The following TTC28 variants were observed in gnomAD, a reference collection of about 807,000 sequenced individuals.
TTC28 encodes the protein tetratricopeptide repeat protein 28.
Under a neutral mutation model 198.0 loss-of-function variants are expected in TTC28, and 61 were observed. The ratio of observed to expected loss-of-function variants is 0.31; its 90% CI spans 0.25 to 0.38. The LOEUF (loss-of-function observed/expected upper bound fraction) is 0.38, where lower values mean the gene tolerates loss of function less well. Ranked by LOEUF, TTC28 falls within the 10% of genes least tolerant of loss-of-function variation. The pLI is 1.00. For missense variants in TTC28, 2,678 were observed against 3,164.0 expected (o/e 0.85, Z 3.69); for synonymous variants, 1,171 against 1,297.8 (o/e 0.90, Z 2.10).
At chr22:28,527,678 C>T (rs2049033230) in intron 2 of TTC28, among the ~76,000 whole-genome samples, 1 of 152,166 alleles carries the variant, frequency 6.6e-6, no homozygotes, top group Non-Finnish European at 1.5e-5. Context: ...CTATGTTGCC[C>T]AGGCTGGAGT....
At chr22:28,367,943 G>T (rs1456393338) in intron 2 of TTC28, among the ~76,000 whole-genome samples, 1 of 151,910 alleles carries the variant, frequency 6.6e-6, no homozygotes. Flanking sequence ...TTAAAGAAAG[G>T]CCCGAGACTC....
rs965442391 is a variant in TTC28 at position 28,133,432 on chromosome 22, G to A, written c.1442-25029C>T. 9.8e-5 allele frequency among the ~76,000 whole-genome samples: 15 copies of A among 152,324 alleles called. No homozygotes were observed. The East Asian group carries it at 2.3e-3, about 24-fold the overall frequency. ...TGAGGCATCACCTCACTCAGGAAGT[G>A]CAAGGGGTCAGGGAATTCCCTTTCC... On this transcript the variant is annotated intron_variant, in intron 6 of 22. Transcript: ENST00000397906.
intron 5 of TTC28, among the ~76,000 whole-genome samples, chr22:28,207,276 A>G (rs1926505887): frequency 1.3e-5 from 2 of 150,906 alleles, no homozygotes; most frequent in Admixed American, 6.6e-5. Flanking sequence ...ATAGTTCTTT[A>G]TAGCTGTGAT....
At chr22:28,071,413 T>C (rs898023316) in intron 12 of TTC28, among the ~76,000 whole-genome samples, 3 of 150,872 alleles carry the variant, frequency 2.0e-5, no homozygotes, top group Non-Finnish European at 4.4e-5. Context: ...TAAAAAATGA[T>C]GAGTTCATGT....
chr22:27,985,229 G>C lies in TTC28; in HGVS notation c.5815+20C>G, dbSNP rs1400745959. 6.5e-7 allele frequency: 1 copy of C among 1,538,272 alleles called. No individual in the cohort carries two copies. The highest frequency in any genetic ancestry group is 8.8e-7 in the Non-Finnish European group (1 of 1,135,328). ...CATGGCAGGCCCTGGTGGAGAACTG[G>C]TCTGAGGGCAGGCTCTTACCAAACA... On this transcript the variant is annotated intron_variant, in intron 22 of 22. Coordinates refer to ENST00000397906, the MANE Select transcript of TTC28 (RefSeq NM_001145418.2).
chr22:28,555,658 A>G (rs556283515), intron 2 of TTC28, among the ~76,000 whole-genome samples: 28 of 152,302 alleles, frequency 1.8e-4, no homozygotes, highest in African/African-American at 6.3e-4. Context: ...ACACAAAGGC[A>G]TAAGAATGAT....
chr22:28,246,887 T>C (rs762467194), intron 5 of TTC28, among the ~76,000 whole-genome samples: 71 of 152,142 alleles, frequency 4.7e-4, no homozygotes, highest in Non-Finnish European at 8.7e-4. Context: ...TACACTTCAA[T>C]GAAAATGGCT....
intron 6 of TTC28, among the ~76,000 whole-genome samples, chr22:28,109,419 C>T (rs374218325): frequency 2.6e-5 from 4 of 152,248 alleles, no homozygotes; most frequent in Admixed American, 2.6e-4. Flanking sequence ...AAGCTCTTGA[C>T]GGGGTTATAC....
At chr22:28,198,731 C>A (rs745455667) in intron 5 of TTC28, among the ~76,000 whole-genome samples, 12 of 152,088 alleles carry the variant, frequency 7.9e-5, no homozygotes, top group Non-Finnish European at 1.3e-4. Context: ...GAGACTCAAG[C>A]TGCTAGGAGC....
intron 10 of TTC28, among the ~76,000 whole-genome samples, chr22:28,098,512 G>A (rs947388424): frequency 6.6e-6 from 1 of 151,872 alleles, no homozygotes; most frequent in African/African-American, 2.4e-5. Context: ...AGGAGTTCGA[G>A]ACCAGGCTGG....
chr22:28,443,732 A>G (rs1290284558), intron 2 of TTC28, among the ~76,000 whole-genome samples: 1 of 152,186 alleles, frequency 6.6e-6, no homozygotes, highest in African/African-American at 2.4e-5. Flanking sequence ...TCTGGGTCTT[A>G]GTGCCACGAC....
intron 5 of TTC28, among the ~76,000 whole-genome samples, chr22:28,171,661 C>T (rs1412541902): frequency 6.8e-6 from 1 of 146,182 alleles, no homozygotes; most frequent in Non-Finnish European, 1.5e-5. Context: ...TTTTAAGTTG[C>T]TTTTATCATT....
chr22:28,385,770 T>C (rs134529), intron 2 of TTC28, among the ~76,000 whole-genome samples: 64,932 of 151,900 alleles, frequency 0.43, 14,863 homozygotes, highest in African/African-American at 0.6. Flanking sequence ...AGCTCCATCC[T>C]AGCTTTCCAA....
chr22:28,325,922 T>C (rs1001514923), intron 2 of TTC28, among the ~76,000 whole-genome samples: 2 of 152,148 alleles, frequency 1.3e-5, no homozygotes, highest in Non-Finnish European at 2.9e-5. Flanking sequence ...GAAAATGGTT[T>C]GGCAGTTTCT....
intron 1 of TTC28, among the ~76,000 whole-genome samples, chr22:28,635,462 C>T (rs1168652521): frequency 6.6e-6 from 1 of 152,130 alleles, no homozygotes; most frequent in Non-Finnish European, 1.5e-5. Context: ...AATATTTTGA[C>T]TGAATTTCAT....
chr22:28,057,015 A>T (rs1480784740), intron 12 of TTC28, among the ~76,000 whole-genome samples: 2 of 152,226 alleles, frequency 1.3e-5, no homozygotes, highest in Non-Finnish European at 2.9e-5. Flanking sequence ...TTGTATAACC[A>T]TAGCACAGAT....
intron 14 of TTC28, chr22:28,007,282 T>C (rs1314517271): frequency 6.6e-6 from 1 of 152,124 alleles, no homozygotes; most frequent in Non-Finnish European, 1.5e-5. Context: ...CCTGTCATGA[T>C]GGGTGGATAC....
intron 2 of TTC28, among the ~76,000 whole-genome samples, chr22:28,554,820 G>A (rs1356505043): frequency 3.9e-5 from 6 of 152,064 alleles, no homozygotes; most frequent in Non-Finnish European, 8.8e-5. Context: ...GCTGTGAGCC[G>A]AGATTGTACC....
chr22:28,548,106 A>C (rs1283561193), intron 2 of TTC28, among the ~76,000 whole-genome samples: 5 of 152,160 alleles, frequency 3.3e-5, no homozygotes, highest in Admixed American at 3.3e-4. Context: ...AGTGACATTT[A>C]ATTTTCTTCC....
Sources: allele counts gnomAD v4.1 joint callset (sites outside exome capture counted in the v4.1 genomes callset), GRCh38; gene constraint gnomAD v4.1.1; transcripts MANE v1.5; gene names NCBI Gene and HGNC (gene_info 2026-07-23, HGNC 2026-07-21).